Variants in EPHA6 observed in about 807,000 individuals in gnomAD.
EPHA6 encodes EPH receptor A6.
EPHA6 carries 50 observed loss-of-function variants against 112.0 expected under a neutral mutation model. The ratio of observed to expected loss-of-function variants is 0.45; its 90% confidence interval spans 0.36 to 0.56. EPHA6 has a LOEUF of 0.56. Ranked by LOEUF, EPHA6 falls within the 20% of genes least tolerant of loss-of-function variation. EPHA6 has a pLI of 0.00. For synonymous variants in EPHA6, 529 were observed against 490.7 expected, an observed-to-expected ratio of 1.08 and a Z score of -1.03; for missense variants, 1,280 against 1,417.4, an observed-to-expected ratio of 0.90 and a Z score of 1.56.
chr3:97,578,016 A>G (rs188269959), intron 11 of EPHA6, among the ~76,000 whole-genome samples: 1 of 152,278 alleles, frequency 6.6e-6, no homozygotes, highest in Non-Finnish European at 1.5e-5. Flanking sequence ...AATAGGCTAG[A>G]ACAGCCAAAA....
intron 2 of EPHA6, among the ~76,000 whole-genome samples, chr3:96,945,251 T>A (rs1022373376): frequency 3.3e-5 from 5 of 152,186 alleles, no homozygotes; most frequent in African/African-American, 9.7e-5. Flanking sequence ...CATTTTCTGA[T>A]TCCATATTCA....
chr3:97,735,898 G>A (rs1375051835), intron 15 of EPHA6, 27 bp from the exon 16 acceptor site: 2 of 1,499,832 alleles, frequency 1.3e-6, no homozygotes, highest in African/African-American at 2.8e-5. Flanking sequence ...AAAAATAAGA[G>A]AGTAATCTGT....
At position 96,941,439 on chromosome 3, in the gene EPHA6, T is replaced by C. The variant is rs1307574836; in HGVS notation, c.451-45891T>C. Among the ~76,000 whole-genome samples the C allele has an allele frequency of 2.0e-5, 3 of 152,238 alleles. No individual in the cohort carries two copies. In the South Asian group the frequency reaches 6.2e-4, roughly 31 times the overall value. ...TTCACGTAGTTCTCGAGCCTTGGCT[T>C]TCAGCTCCATCAGCTCCTTTAAGCA... On this transcript the variant is annotated intron_variant, in intron 2 of 17. Coordinates refer to ENST00000389672, the MANE Select transcript of EPHA6 (RefSeq NM_001080448.3).
intron 5 of EPHA6, among the ~76,000 whole-genome samples, chr3:97,359,452 G>GT (rs112074834): frequency 0.013 from 1,768 of 132,406 alleles, 23 homozygotes; most frequent in African/African-American, 0.04. Flanking sequence ...TTCATACATT[G>GT]TTTTTTTTTT....
chr3:96,816,352 A>G lies in EPHA6; in HGVS notation c.385+1344A>G, dbSNP rs185771119. Among the ~76,000 whole-genome samples the G allele has an allele frequency of 3.5e-3, 529 of 152,268 alleles. 3 individuals carry two copies. The highest frequency in any genetic ancestry group is 5.0e-3 in the Non-Finnish European group (342 of 68,000). ...GCTTTGAAGATAGATCACATAATAG[A>G]TATCAGTTACAGTGTCCTGTTTTGC... is the stretch of plus-strand genomic sequence containing the variant. On this transcript the variant is annotated intron_variant, in intron 1 of 17. Transcript: ENST00000389672.
intron 2 of EPHA6, among the ~76,000 whole-genome samples, chr3:96,963,179 G>C (rs1475258385): frequency 1.5e-5 from 2 of 135,804 alleles, no homozygotes; most frequent in Non-Finnish European, 3.1e-5. Flanking sequence ...AAAAAAAAAA[G>C]AGGGGCACTA....
intron 2 of EPHA6, among the ~76,000 whole-genome samples, chr3:96,970,844 T>C (rs1168329779): frequency 6.6e-6 from 1 of 152,122 alleles, no homozygotes; most frequent in Non-Finnish European, 1.5e-5. Context: ...TTCCCTCCTT[T>C]AAATCAGCTT....
intron 1 of EPHA6, among the ~76,000 whole-genome samples, chr3:96,855,666 A>C (rs934930184): frequency 6.6e-6 from 1 of 151,150 alleles, no homozygotes; most frequent in Non-Finnish European, 1.5e-5. Context: ...CTAAACTGAT[A>C]AATTTTCTTT....
chr3:96,848,533 G>C (rs145734809), intron 1 of EPHA6, among the ~76,000 whole-genome samples: 1,537 of 152,048 alleles, frequency 0.01, 25 homozygotes, highest in African/African-American at 0.035. Flanking sequence ...ACTGAAGCAA[G>C]AGAATTTCTT....
At chr3:97,514,277 T>C (rs2092412723) in intron 10 of EPHA6, among the ~76,000 whole-genome samples, 2 of 152,152 alleles carry the variant, frequency 1.3e-5, no homozygotes, top group Admixed American at 1.3e-4. Context: ...TTTGAAGTCA[T>C]CAGTATAGTA....
intron 3 of EPHA6, among the ~76,000 whole-genome samples, chr3:97,129,633 G>C (rs893885457): frequency 1.1e-4 from 17 of 152,140 alleles, no homozygotes; most frequent in Non-Finnish European, 1.5e-5. Flanking sequence ...CTTTATTCAG[G>C]ATTATAGTAA....
At chr3:96,955,727 A>G (rs1158719440) in intron 2 of EPHA6, among the ~76,000 whole-genome samples, 1 of 152,218 alleles carries the variant, frequency 6.6e-6, no homozygotes, top group Admixed American at 6.5e-5. Context: ...AATGATTTAA[A>G]AATATATATA....
chr3:97,194,802 A>G (rs957655359), intron 3 of EPHA6, among the ~76,000 whole-genome samples: 1 of 151,476 alleles, frequency 6.6e-6, no homozygotes, highest in African/African-American at 2.4e-5. Context: ...AATTGACTCC[A>G]TTGTCATTGT....
chr3:97,635,552 A>G (rs1394996558), intron 13 of EPHA6, among the ~76,000 whole-genome samples: 2 of 152,096 alleles, frequency 1.3e-5, no homozygotes. Context: ...GTCACAAAAG[A>G]CCACATATTG....
chr3:97,097,066 G>A (rs1297566659), intron 3 of EPHA6, among the ~76,000 whole-genome samples: 4 of 151,438 alleles, frequency 2.6e-5, no homozygotes, highest in African/African-American at 7.3e-5. Flanking sequence ...TATCATTAAA[G>A]CAGTAATATT....
At chr3:97,048,734 C>G (rs372367438) in intron 3 of EPHA6, among the ~76,000 whole-genome samples, 1 of 152,082 alleles carries the variant, frequency 6.6e-6, no homozygotes, top group East Asian at 1.9e-4. Context: ...AAATAGTGAA[C>G]AAAACTGTGC....
At chr3:96,872,089 T>A (rs1191066058) in intron 2 of EPHA6, among the ~76,000 whole-genome samples, 3 of 152,122 alleles carry the variant, frequency 2.0e-5, no homozygotes, top group African/African-American at 7.2e-5. Flanking sequence ...ATGAGTCAAA[T>A]ATTTTAAAAG....
intron 5 of EPHA6, among the ~76,000 whole-genome samples, chr3:97,248,691 G>A (rs1482807894): frequency 2.0e-5 from 3 of 151,964 alleles, no homozygotes; most frequent in Non-Finnish European, 4.4e-5. Context: ...TTCTGTATAG[G>A]CCTGCCTTAG....
chr3:97,116,213 C>T (rs1187192906), intron 3 of EPHA6, among the ~76,000 whole-genome samples: 2 of 151,604 alleles, frequency 1.3e-5, no homozygotes, highest in African/African-American at 2.4e-5. Context: ...CTTCCTCCAT[C>T]TTTATTGAGG....
Sources: gnomAD v4.1 joint callset for allele counts (sites outside exome capture counted in the v4.1 genomes callset) on GRCh38, gnomAD v4.1.1 for gene constraint, MANE v1.5 for transcripts, NCBI Gene and HGNC (gene_info 2026-07-23, HGNC 2026-07-21) for gene names.